Variants in ARHGEF28 observed in about 807,000 individuals in gnomAD.
ARHGEF28 encodes the protein 190 kDa guanine nucleotide exchange factor.
A neutral mutation model predicts 206.6 loss-of-function variants in ARHGEF28; 152 were observed. That is an observed-to-expected ratio of 0.74 (90% CI 0.64 to 0.84). The LOEUF is 0.84. ARHGEF28 is among the 40% of genes least tolerant of loss of function. ARHGEF28 has a pLI of 0.00. For missense variants in ARHGEF28, 2,028 were observed against 2,073.2 expected (o/e 0.98, Z 0.42); for synonymous variants, 763 against 776.4 (o/e 0.98, Z 0.29).
chr5:73,766,153 CAAAAAAA>C (rs369385323), intron 4 of ARHGEF28, among the ~76,000 whole-genome samples: 20 of 114,758 alleles, frequency 1.7e-4, no homozygotes, highest in Non-Finnish European at 3.4e-4. Context: ...GACTCCATCT[CAAAAAAA>C]AAAAAACAAA....
chr5:73,880,979 G>A (rs1209704122), intron 22 of ARHGEF28, among the ~76,000 whole-genome samples: 1 of 151,452 alleles, frequency 6.6e-6, no homozygotes, highest in Non-Finnish European at 1.5e-5. Flanking sequence ...ATTTAAGTGT[G>A]TGTTGTACTT....
intron 11 of ARHGEF28, among the ~76,000 whole-genome samples, chr5:73,843,016 G>T (rs1368433270): frequency 6.6e-6 from 1 of 151,318 alleles, no homozygotes; most frequent in African/African-American, 2.4e-5. Context: ...AGTCTGTCAG[G>T]TGTGTGAGCC....
chr5:73,941,736 A>G lies in ARHGEF28; in HGVS notation c.*723A>G, dbSNP rs1188134433. 6.6e-6 allele frequency: 1 copy of G among 152,232 alleles called. No individual in the cohort carries two copies. The highest frequency in any genetic ancestry group is 2.4e-5 in the African/African-American group (1 of 41,456). 9.4% of individuals were successfully genotyped at this position (152,232 alleles called of 1,614,324 possible). ...GTTAGAGCCCTCACTTCTATCAATC[A>G]GCTGTCCTGTCCCTGCCAGCACCTG... On this transcript the variant is annotated 3_prime_UTR_variant, in exon 36 of 36. Coordinates refer to ENST00000513042, the MANE Select transcript of ARHGEF28 (RefSeq NM_001177693.2).
chr5:73,912,889 T>C (rs17732981), intron 35 of ARHGEF28, among the ~76,000 whole-genome samples: 22,474 of 152,268 alleles, frequency 0.15, 1,965 homozygotes, highest in East Asian at 0.42. Context: ...TTTGTCAGCA[T>C]GGTTTTACAT....
At chr5:73,692,919 C>G (rs1199216885) in intron 2 of ARHGEF28, among the ~76,000 whole-genome samples, 1 of 152,188 alleles carries the variant, frequency 6.6e-6, no homozygotes, top group Non-Finnish European at 1.5e-5. Flanking sequence ...TGGTGGCCCT[C>G]CATCCCCCAG....
intron 1 of ARHGEF28, among the ~76,000 whole-genome samples, chr5:73,649,649 G>A (rs911011304): frequency 6.6e-6 from 1 of 152,196 alleles, no homozygotes; most frequent in Non-Finnish European, 1.5e-5. Flanking sequence ...TAGTTATACT[G>A]TTTTACCCTT....
At chr5:73,895,496 C>T (rs1018099533) in intron 29 of ARHGEF28, among the ~76,000 whole-genome samples, 3 of 151,988 alleles carry the variant, frequency 2.0e-5, no homozygotes, top group Admixed American at 2.0e-4. Flanking sequence ...CTGAGGGCAG[C>T]GGCTTCAAGG....
intron 35 of ARHGEF28, among the ~76,000 whole-genome samples, chr5:73,922,727 A>T (rs576218350): frequency 6.6e-6 from 1 of 152,210 alleles, no homozygotes; most frequent in Non-Finnish European, 1.5e-5. Flanking sequence ...TATATATTCC[A>T]TCTGACTAAA....
rs529659972 is a variant in ARHGEF28 at position 73,936,633 on chromosome 5, G to C, written c.4949-4211G>C. ...CCTTCATGAGCTGAAGCCCAGAGAG[G>C]GGCAATGACTTGCCTGAGATTACAT... On this transcript the variant is annotated intron_variant, in intron 35 of 35. Transcript: ENST00000513042. 3.2e-4 allele frequency among the ~76,000 whole-genome samples: 49 copies of C among 152,262 alleles called. No homozygotes were observed. In the South Asian group the frequency reaches 6.2e-3, roughly 19 times the overall value.
At chr5:73,760,500 G>T (rs1026035100) in intron 4 of ARHGEF28, among the ~76,000 whole-genome samples, 1 of 152,090 alleles carries the variant, frequency 6.6e-6, no homozygotes, top group Admixed American at 6.5e-5. Context: ...ATTTCAAGCT[G>T]GTAGTATACT....
chr5:73,924,435 T>C (rs989843654), intron 35 of ARHGEF28, among the ~76,000 whole-genome samples: 6 of 152,224 alleles, frequency 3.9e-5, no homozygotes, highest in Admixed American at 1.3e-4. Flanking sequence ...GGAGGTGGTA[T>C]GATGATTACA....
chr5:73,901,528 T>G, intron 31 of ARHGEF28: 1 of 344,746 alleles, frequency 2.9e-6, no homozygotes, highest in Non-Finnish European at 5.5e-6. Flanking sequence ...TTAAAAACTC[T>G]CCTGTGTATA....
intron 9 of ARHGEF28, among the ~76,000 whole-genome samples, chr5:73,825,360 A>G (rs1756842595): frequency 6.6e-6 from 1 of 152,208 alleles, no homozygotes; most frequent in Non-Finnish European, 1.5e-5. Flanking sequence ...CCCTGCTGGA[A>G]GGTGGAGCAG....
intron 9 of ARHGEF28, among the ~76,000 whole-genome samples, chr5:73,821,630 G>A (rs72770900): frequency 0.026 from 3,926 of 152,062 alleles, 85 homozygotes; most frequent in Non-Finnish European, 0.038. Flanking sequence ...AGAGTCCGCC[G>A]CTTCATTTGA....
chr5:73,808,718 A>C (rs1268598448), intron 9 of ARHGEF28, among the ~76,000 whole-genome samples: 1 of 152,154 alleles, frequency 6.6e-6, no homozygotes, highest in African/African-American at 2.4e-5. Context: ...TTTTATCTGG[A>C]TATTTTATGA....
intron 2 of ARHGEF28, among the ~76,000 whole-genome samples, chr5:73,726,677 A>T (rs1410025797): frequency 6.6e-6 from 1 of 152,240 alleles, no homozygotes; most frequent in African/African-American, 2.4e-5. Context: ...TTTTGGCAAC[A>T]TATCCCAGAC....
chr5:73,832,224 A>G, intron 9 of ARHGEF28, 114 bp from the exon 10 acceptor site: 1 of 1,295,966 alleles, frequency 7.7e-7, no homozygotes, highest in Admixed American at 2.8e-5. Context: ...TCTAGCCAAA[A>G]GCCCTCTTAA....
chr5:73,664,593 C>CA (rs1745829112), intron 1 of ARHGEF28, among the ~76,000 whole-genome samples: 1 of 152,118 alleles, frequency 6.6e-6, no homozygotes, highest in Admixed American at 6.5e-5. Context: ...ATAGAGTGCT[C>CA]AAAAATGTCA....
chr5:73,695,404 C>T (rs1431143102), intron 2 of ARHGEF28, among the ~76,000 whole-genome samples: 1 of 152,170 alleles, frequency 6.6e-6, no homozygotes, highest in East Asian at 1.9e-4. Context: ...TAGACCACCA[C>T]TCCTCCTGAA....
Sources: gnomAD v4.1 joint callset for allele counts (sites outside exome capture counted in the v4.1 genomes callset) on GRCh38, gnomAD v4.1.1 for gene constraint, MANE v1.5 for transcripts, NCBI Gene and HGNC (gene_info 2026-07-23, HGNC 2026-07-21) for gene names.